Variants in ERBB4 observed in about 807,000 individuals in gnomAD.
The protein encoded by ERBB4 is receptor tyrosine-protein kinase erbB-4.
Under a neutral mutation model 158.0 loss-of-function variants are expected in ERBB4, and 42 were observed. The observed-to-expected ratio is 0.27, with a 90% CI of 0.21 to 0.34. The LOEUF (loss-of-function observed/expected upper bound fraction) is 0.34, where lower values mean the gene tolerates loss of function less well. ERBB4 is among the 10% of genes least tolerant of loss of function. The pLI is 1.00. For missense variants in ERBB4, 1,333 were observed against 1,624.1 expected, an observed-to-expected ratio of 0.82 and a Z score of 3.08; for synonymous variants, 583 against 558.7, an observed-to-expected ratio of 1.04 and a Z score of -0.61.
chr2:211,424,365 A>G, intron 22 of ERBB4, 64 bp from the exon 23 acceptor site: 2 of 1,154,268 alleles, frequency 1.7e-6, no homozygotes, highest in Non-Finnish European at 2.6e-6. Context: ...AACCAGCACT[A>G]TACCAGTAGT....
chr2:211,974,511 T>C (rs1281052350), intron 2 of ERBB4, among the ~76,000 whole-genome samples: 1 of 152,188 alleles, frequency 6.6e-6, no homozygotes, highest in Non-Finnish European at 1.5e-5. Flanking sequence ...TATCCAAACC[T>C]TCTTAGTCTT....
chr2:211,413,386 A>G (rs2063312134), intron 25 of ERBB4, among the ~76,000 whole-genome samples: 1 of 151,786 alleles, frequency 6.6e-6, no homozygotes, highest in African/African-American at 2.4e-5. Context: ...AAAACAAACA[A>G]AAGCCCTTGT....
intron 20 of ERBB4, among the ~76,000 whole-genome samples, chr2:211,431,322 A>G (rs2063744515): frequency 6.6e-6 from 1 of 152,198 alleles, no homozygotes; most frequent in Non-Finnish European, 1.5e-5. Flanking sequence ...TGAAAGAATT[A>G]CTTTCACATG....
intron 3 of ERBB4, among the ~76,000 whole-genome samples, chr2:211,825,743 G>A (rs953391997): frequency 2.7e-5 from 4 of 147,394 alleles, no homozygotes; most frequent in African/African-American, 9.9e-5. Context: ...TGGTAGAAAT[G>A]TAATATATTT....
At chr2:211,561,365 A>T (rs1464154519) in intron 20 of ERBB4, among the ~76,000 whole-genome samples, 1 of 152,024 alleles carries the variant, frequency 6.6e-6, no homozygotes, top group East Asian at 1.9e-4. Flanking sequence ...CTCCCCTATC[A>T]CCCCAGAACA....
At position 212,098,241 on chromosome 2, in the gene ERBB4, C is replaced by A. The variant is rs553034848; in HGVS notation, c.234+26511G>T. On this transcript the variant is annotated intron_variant, in intron 2 of 27. Transcript: ENST00000342788. ...TTTACATTACATTTCTTAAAGAAGA[C>A]CCCCTCCAACCCTCAAAGAAGAAAT... Among the ~76,000 whole-genome samples the A allele has an allele frequency of 1.1e-4, 17 of 152,246 alleles. No homozygotes were observed. In the South Asian group the frequency reaches 2.9e-3, roughly 26 times the overall value.
intron 1 of ERBB4, among the ~76,000 whole-genome samples, chr2:212,534,696 A>G (rs894183577): frequency 1.3e-5 from 2 of 152,196 alleles, no homozygotes; most frequent in Non-Finnish European, 2.9e-5. Context: ...AAATACTAAG[A>G]TGTAAAGAGA....
At chr2:212,107,236 C>A (rs567698729) in intron 2 of ERBB4, among the ~76,000 whole-genome samples, 1 of 152,316 alleles carries the variant, frequency 6.6e-6, no homozygotes. Flanking sequence ...GCCACGGGGG[C>A]AGAGCTGCCC....
At chr2:211,799,398 T>C (rs2076449945) in intron 3 of ERBB4, among the ~76,000 whole-genome samples, 1 of 152,158 alleles carries the variant, frequency 6.6e-6, no homozygotes, top group South Asian at 2.1e-4. Context: ...TAAATAAATA[T>C]TTTAAAATCT....
At chr2:212,171,394 T>C (rs989250071) in intron 1 of ERBB4, among the ~76,000 whole-genome samples, 1 of 151,992 alleles carries the variant, frequency 6.6e-6, no homozygotes, top group African/African-American at 2.4e-5. Flanking sequence ...ACTTTGGACT[T>C]GGACTTTTGT....
chr2:212,389,672 A>G (rs536441312), intron 1 of ERBB4, among the ~76,000 whole-genome samples: 52 of 152,186 alleles, frequency 3.4e-4, no homozygotes, highest in African/African-American at 1.2e-3. Flanking sequence ...TTTGTGTTCT[A>G]GTGCACAGTA....
Position 211,788,108 on chromosome 2 carries a change from G to T in ERBB4, c.473C>A (p.Ala158Glu), listed in dbSNP as rs370840578. The T allele has an allele frequency of 1.5e-4, 234 of 1,611,748 alleles. 3 individuals carry two copies. The South Asian group carries it at 1.6e-3, about 11-fold the overall frequency. The change falls in exon 4 of 28, where the codon GCA (alanine) becomes GAA (glutamate). Residue 158 changes from alanine to glutamate, a missense_variant. Physicochemically the swap from Ala to Glu is moderately radical, Grantham distance 107 (BLOSUM62 -1). This residue lies in a region of ERBB4 where 438 missense variants were observed against 586.9 expected (regional missense o/e 0.75). Transcript: ENST00000342788. ...AATATCTTGCCAATGAATGGTGTCT[G>T]CATAACAAAGGAATTTGTTCTGGTC... ...YVDQNKFLCY[A>E]DTIHWQDIVR...
rs182471440 is a variant in ERBB4, at chr2:211,759,263, T to C, written c.557-8559A>G. Among the ~76,000 whole-genome samples, 469 of 152,306 alleles carry C rather than the reference T, an allele frequency of 3.1e-3. 4 individuals carry two copies. Among genetic ancestry groups the C allele is most frequent in the African/African-American group, 0.01 (420 of 41,568 alleles). Reference sequence around the variant, plus strand: ...ATCATTGTAATACAAACCACTATCATCTATTGCTTGGATTAATGCAATAAC... The same window carrying C: ...ATCATTGTAATACAAACCACTATCACCTATTGCTTGGATTAATGCAATAAC... On this transcript the variant is annotated intron_variant, in intron 4 of 27. Coordinates refer to ENST00000342788, the MANE Select transcript of ERBB4 (RefSeq NM_005235.3).
At chr2:212,071,139 T>C (rs187025494) in intron 2 of ERBB4, among the ~76,000 whole-genome samples, 22 of 152,056 alleles carry the variant, frequency 1.4e-4, no homozygotes, top group Non-Finnish European at 4.4e-5. Context: ...TAGATATACT[T>C]TCTTTGGGAA....
intron 1 of ERBB4, among the ~76,000 whole-genome samples, chr2:212,217,919 ACTTAAAT>A (rs1335864615): frequency 6.6e-6 from 1 of 151,262 alleles, no homozygotes; most frequent in Non-Finnish European, 1.5e-5. Flanking sequence ...CTTCTGGTGC[ACTTAAAT>A]CTTAAGACAG....
Position 212,420,048 on chromosome 2 carries a change from C to G in ERBB4, c.82+118401G>C, listed in dbSNP as rs548298483. 7.9e-4 allele frequency among the ~76,000 whole-genome samples: 120 copies of G among 152,094 alleles called. 3 individuals carry two copies. In the South Asian group the frequency reaches 0.024, roughly 30 times the overall value. Reference sequence around the variant, plus strand: ...TATGAAAACTGAAACATCTGCTAAGCTTTCATAAAAGGTGCTGAGAATATG... The same window carrying G: ...TATGAAAACTGAAACATCTGCTAAGGTTTCATAAAAGGTGCTGAGAATATG... On this transcript the variant is annotated intron_variant, in intron 1 of 27. Transcript: ENST00000342788.
chr2:211,419,737 A>G (rs1350484944), intron 25 of ERBB4, among the ~76,000 whole-genome samples: 1 of 152,092 alleles, frequency 6.6e-6, no homozygotes, highest in Non-Finnish European at 1.5e-5. Flanking sequence ...TGCTTCACAT[A>G]CAGTGGTACT....
At chr2:212,185,051 C>CA (rs2081980088) in intron 1 of ERBB4, among the ~76,000 whole-genome samples, 1 of 100,638 alleles carries the variant, frequency 9.9e-6, no homozygotes, top group Admixed American at 8.5e-5. Flanking sequence ...GACAGAGTCT[C>CA]ACTCTGTTGC....
At chr2:211,882,018 A>T (rs1473660195) in intron 3 of ERBB4, among the ~76,000 whole-genome samples, 1 of 152,206 alleles carries the variant, frequency 6.6e-6, no homozygotes, top group African/African-American at 2.4e-5. Flanking sequence ...CCAAATCTTT[A>T]GCAGAAAAAT....
Sources: allele counts gnomAD v4.1 joint callset (sites outside exome capture counted in the v4.1 genomes callset), GRCh38; gene constraint gnomAD v4.1.1; regional missense constraint gnomAD v4.1.1; transcripts MANE v1.5; gene names NCBI Gene and HGNC (gene_info 2026-07-23, HGNC 2026-07-21).